DPP6: variants seen among roughly 807,000 people sequenced by gnomAD.
The protein encoded by DPP6 is dipeptidyl peptidase like 6, also known as A-type potassium channel modulatory protein DPP6.
DPP6 carries 69 observed loss-of-function variants against 122.6 expected under a neutral mutation model. That is an observed-to-expected ratio of 0.56 (90% confidence interval 0.46 to 0.69). The LOEUF is 0.69. Ranked by LOEUF, DPP6 falls within the 30% of genes least tolerant of loss-of-function variation. The pLI is 0.00. For missense variants in DPP6, 928 were observed against 1,116.9 expected, an observed-to-expected ratio of 0.83 and a Z score of 2.41; for synonymous variants, 418 against 433.1, an observed-to-expected ratio of 0.97 and a Z score of 0.43.
At chr7:154,014,502 A>T (rs1430199172) in intron 1 of DPP6, among the ~76,000 whole-genome samples, 3 of 151,262 alleles carry the variant, frequency 2.0e-5, no homozygotes, top group Non-Finnish European at 4.4e-5. Context: ...TAAAAATACA[A>T]AAATTAACCA....
intron 1 of DPP6, among the ~76,000 whole-genome samples, chr7:154,306,535 C>T (rs1326590945): frequency 1.3e-5 from 2 of 152,290 alleles, no homozygotes; most frequent in Admixed American, 6.5e-5. Context: ...CAAAGATAGG[C>T]GACCTCTTTA....
At chr7:153,990,681 A>G (rs1045458971) in intron 1 of DPP6, among the ~76,000 whole-genome samples, 7 of 151,818 alleles carry the variant, frequency 4.6e-5, no homozygotes, top group African/African-American at 4.8e-5. Flanking sequence ...GGTGGCCTTC[A>G]TGGCAGTGGG....
At chr7:154,878,620 TCCA>T (rs1158002544) in intron 20 of DPP6, among the ~76,000 whole-genome samples, 1 of 152,138 alleles carries the variant, frequency 6.6e-6, no homozygotes, top group African/African-American at 2.4e-5. Flanking sequence ...AGTTCCCCCG[TCCA>T]CCACCACCAT....
intron 1 of DPP6, among the ~76,000 whole-genome samples, chr7:154,237,670 TCTC>T (rs1447514508): frequency 6.6e-6 from 1 of 152,110 alleles, no homozygotes; most frequent in Admixed American, 6.5e-5. Context: ...CTCTTTTCCT[TCTC>T]CTCCTTCCAG....
intron 14 of DPP6, among the ~76,000 whole-genome samples, chr7:154,804,315 G>A (rs2150457420): frequency 1.3e-5 from 2 of 152,326 alleles, no homozygotes; most frequent in South Asian, 4.1e-4. Context: ...TCCATGAGGT[G>A]AGTTTACTGC....
chr7:154,222,101 A>G (rs1800340542), intron 1 of DPP6, among the ~76,000 whole-genome samples: 1 of 152,074 alleles, frequency 6.6e-6, no homozygotes. Context: ...GCTCTTCCTG[A>G]TGAATCTGCC....
intron 3 of DPP6, among the ~76,000 whole-genome samples, chr7:154,518,432 G>A (rs139183791): frequency 5.3e-5 from 8 of 152,220 alleles, no homozygotes; most frequent in African/African-American, 1.4e-4. Flanking sequence ...TGGTTTTGCC[G>A]ATTTTTTTGG....
chr7:154,217,488 A>C (rs974380410), intron 1 of DPP6, among the ~76,000 whole-genome samples: 1 of 152,208 alleles, frequency 6.6e-6, no homozygotes, highest in Non-Finnish European at 1.5e-5. Flanking sequence ...GTAAGATTCC[A>C]TGTGTATTAG....
the DPP6 span, among the ~76,000 whole-genome samples, chr7:153,822,512 T>C: frequency 1.3e-5 from 2 of 152,092 alleles, no homozygotes; most frequent in Non-Finnish European, 2.9e-5. Context: ...TTTAAATAAG[T>C]TTCAGTTAGA....
intron 3 of DPP6, among the ~76,000 whole-genome samples, chr7:154,477,165 A>G (rs1004564050): frequency 6.6e-6 from 1 of 152,140 alleles, no homozygotes; most frequent in African/African-American, 2.4e-5. Flanking sequence ...ATTCACTTTA[A>G]GCTATTACGT....
chr7:154,150,080 A>C (rs543225315), intron 1 of DPP6, among the ~76,000 whole-genome samples: 3 of 152,378 alleles, frequency 2.0e-5, no homozygotes, highest in South Asian at 4.1e-4. Context: ...AGAAGGGATC[A>C]CAGTGGGATT....
intron 1 of DPP6, among the ~76,000 whole-genome samples, chr7:154,177,517 A>T (rs1170025726): frequency 6.6e-6 from 1 of 152,244 alleles, no homozygotes; most frequent in African/African-American, 2.4e-5. Flanking sequence ...TTGGTCACCA[A>T]ACTGCTGGCT....
intron 1 of DPP6, among the ~76,000 whole-genome samples, chr7:154,113,412 T>TATATATATATATATACAC (rs1472172445): frequency 6.1e-4 from 86 of 141,550 alleles, no homozygotes; most frequent in African/African-American, 2.2e-3. Flanking sequence ...TATATATATA[T>TATATATATATATATACAC]ACACACACAC....
chr7:154,472,865 T>A (rs932397755), intron 2 of DPP6, among the ~76,000 whole-genome samples: 9 of 146,296 alleles, frequency 6.2e-5, no homozygotes, highest in Admixed American at 5.5e-4. Flanking sequence ...ACTTTCCCTA[T>A]ATAGAAGTCT....
intron 1 of DPP6, among the ~76,000 whole-genome samples, chr7:153,973,922 G>T (rs1428137016): frequency 6.6e-6 from 1 of 151,224 alleles, no homozygotes; most frequent in Non-Finnish European, 1.5e-5. Flanking sequence ...GGGAAAGGCT[G>T]GTGTAGCTTC....
chr7:154,712,053 C>T (rs1841222167), intron 7 of DPP6, among the ~76,000 whole-genome samples: 1 of 151,858 alleles, frequency 6.6e-6, no homozygotes, highest in Non-Finnish European at 1.5e-5. Flanking sequence ...ATTCATGAAA[C>T]TTTTGGATTT....
chr7:154,397,891 C>T (rs1005178714), intron 1 of DPP6, among the ~76,000 whole-genome samples: 5 of 152,162 alleles, frequency 3.3e-5, no homozygotes, highest in African/African-American at 1.2e-4. Context: ...TTCTAGATCT[C>T]CAAATCTTTC....
chr7:154,477,673 G>A (rs1822872569), intron 3 of DPP6, among the ~76,000 whole-genome samples: 1 of 152,162 alleles, frequency 6.6e-6, no homozygotes, highest in Non-Finnish European at 1.5e-5. Context: ...TGGCTTTCTG[G>A]CCAGAGGAGA....
chr7:154,543,832 A>G (rs1828927865), intron 4 of DPP6, among the ~76,000 whole-genome samples: 1 of 151,898 alleles, frequency 6.6e-6, no homozygotes, highest in South Asian at 2.1e-4. Flanking sequence ...CATCTCTACT[A>G]AAAATTAAAA....
Sources: gnomAD v4.1 joint callset for allele counts (sites outside exome capture counted in the v4.1 genomes callset) on GRCh38, gnomAD v4.1.1 for gene constraint, MANE v1.5 for transcripts, NCBI Gene and HGNC (gene_info 2026-07-23, HGNC 2026-07-21) for gene names.